The following NRK variants were observed in gnomAD, a reference collection of about 807,000 sequenced individuals.
NRK encodes the protein nik-related protein kinase.
A neutral mutation model predicts 125.2 loss-of-function variants in NRK; 67 were observed. That is an observed-to-expected ratio of 0.54 (90% CI 0.44 to 0.66). The LOEUF (loss-of-function observed/expected upper bound fraction) is 0.66, where lower values mean the gene tolerates loss of function less well. NRK is among the 30% of genes least tolerant of loss of function. NRK has a pLI of 0.00. For synonymous variants in NRK, 458 were observed against 429.0 expected (o/e 1.07, Z -0.84); for missense variants, 1,224 against 1,192.9 (o/e 1.03, Z -0.38).
intron 23 of NRK, among the ~76,000 whole-genome samples, chrX:105,941,964 T>G (rs1245120767): frequency 9.0e-6 from 1 of 111,049 alleles, no homozygotes; most frequent in East Asian, 2.8e-4. Context: ...ATTGATAAAC[T>G]GATAAATGGT....
At chrX:105,908,177 A>G (rs917667404) in intron 11 of NRK, 63 bp from the exon 12 acceptor site, 11 of 624,901 alleles carry the variant, frequency 1.8e-5, no homozygotes, top group Non-Finnish European at 2.7e-5. Context: ...AAGGTGATTA[A>G]GTGGATAACA....
chrX:105,857,934 A>T (rs2039552826), intron 2 of NRK, among the ~76,000 whole-genome samples: 1 of 110,220 alleles, frequency 9.1e-6, no homozygotes, highest in Admixed American at 9.8e-5. Flanking sequence ...GCTTGCTAGT[A>T]TCCATCCCTT....
intron 2 of NRK, among the ~76,000 whole-genome samples, chrX:105,846,687 C>T (rs2039406280): frequency 9.0e-6 from 1 of 111,280 alleles, no homozygotes; most frequent in African/African-American, 3.3e-5. Flanking sequence ...TCTCTCAGCC[C>T]TCGGGAACTT....
chrX:105,958,156 A>G lies in NRK; in HGVS notation c.*2556A>G, dbSNP rs2041001454. On this transcript the variant is annotated 3_prime_UTR_variant, in exon 29 of 29. Coordinates refer to ENST00000243300, the MANE Select transcript of NRK (RefSeq NM_198465.4). ...TAAAATAAAAGGCATTATTGGAAAT[A>G]TTTGAAAACTAGAAAATGATGGATA... 8.9e-6 allele frequency: 1 copy of G among 112,257 alleles called. No homozygotes were observed. The highest frequency in any genetic ancestry group is 3.2e-5 in the African/African-American group (1 of 30,871). The allele number at this position is 112,257 out of a possible 1,213,427, so 9.3% of individuals were successfully genotyped here. A position where few individuals can be genotyped will look rare whatever the true frequency, so the allele number is the denominator to read the frequency against.
chrX:105,854,836 A>G (rs1297088889), intron 2 of NRK, among the ~76,000 whole-genome samples: 4 of 111,888 alleles, frequency 3.6e-5, no homozygotes, highest in Non-Finnish European at 7.5e-5. Context: ...CCTGGATTTT[A>G]ACTTTTAACT....
intron 1 of NRK, among the ~76,000 whole-genome samples, chrX:105,827,870 T>C (rs1258772644): frequency 8.9e-6 from 1 of 111,975 alleles, no homozygotes; most frequent in East Asian, 2.8e-4. Flanking sequence ...CAAATTGGTA[T>C]AGCAGTCATA....
At chrX:105,898,109 G>T (rs2040108501) in intron 7 of NRK, among the ~76,000 whole-genome samples, 1 of 111,755 alleles carries the variant, frequency 8.9e-6, no homozygotes. Flanking sequence ...GTCTATGTAG[G>T]AATTTAAACT....
At chrX:105,915,113 G>A (rs1389082005) in intron 14 of NRK, among the ~76,000 whole-genome samples, 1 of 109,564 alleles carries the variant, frequency 9.1e-6, no homozygotes, top group Non-Finnish European at 1.9e-5. Context: ...TCTATTTAGA[G>A]TTGAAACAGT....
In NRK at chrX:105,908,855, C is replaced by T. The variant is rs969570393; in HGVS notation, c.1214C>T (p.Ala405Val). The stretch of plus-strand genomic sequence containing the variant: ...GATCGAGAAGAGCCACAGGTCCAGG[C>T]ACTTCAGCAGCTACAGGGAGCAGCC... ...LPDREEPQVQ[A>V]LQQLQGAARV... is the part of the protein sequence containing the mutation. Residue 405 changes from alanine to valine, a missense_variant, in exon 13 of 29, where the codon GCA becomes GTA. Ala to Val is a moderately conservative substitution (Grantham distance 64, BLOSUM62 0). Transcript: ENST00000243300. 1 of 1,207,815 alleles carries T rather than the reference C, an allele frequency of 8.3e-7. No homozygotes were observed. The highest frequency in any genetic ancestry group is 1.1e-6 in the Non-Finnish European group (1 of 893,549).
At chrX:105,856,527 T>C (rs747667289) in intron 2 of NRK, among the ~76,000 whole-genome samples, 117 of 111,445 alleles carry the variant, frequency 1.0e-3, no homozygotes, top group African/African-American at 3.6e-3. Flanking sequence ...AGTATGCTTG[T>C]AGGTCATTCC....
chrX:105,860,453 G>A (rs1863415185), intron 2 of NRK, among the ~76,000 whole-genome samples: 1 of 110,304 alleles, frequency 9.1e-6, no homozygotes, highest in South Asian at 3.9e-4. Flanking sequence ...AAAGTATACA[G>A]CTCAGTAGTT....
At chrX:105,931,748 G>A (rs1228769757) in intron 19 of NRK, among the ~76,000 whole-genome samples, 1 of 111,221 alleles carries the variant, frequency 9.0e-6, no homozygotes, top group African/African-American at 3.3e-5. Flanking sequence ...GTCCTTTTTT[G>A]TGAGGGGGAC....
In NRK at chrX:105,909,442, C is replaced by T; in HGVS notation, c.1801C>T (p.Pro601Ser). ...ATCACAAGATCACCATGTGCTGTTG[C>T]CACTACATTTGGATACTCAGGTGCT... The part of the protein sequence containing the change: ...LLSQDHHVLL[P>S]LHLDTQVLIP... The change falls in exon 13 of 29, where the codon CCA (proline) becomes TCA (serine). Residue 601 changes from proline (P) to serine (S), a missense_variant. By Grantham distance (74) the Pro-to-Ser change is moderately conservative. Coordinates refer to ENST00000243300, the MANE Select transcript of NRK (RefSeq NM_198465.4). 8.3e-7 allele frequency: 1 copy of T among 1,208,514 alleles called. No homozygotes were observed. Among genetic ancestry groups the T allele is most frequent in the Non-Finnish European group, 1.1e-6 (1 of 893,340 alleles).
chrX:105,894,432 A>G (rs1327993185), intron 6 of NRK, among the ~76,000 whole-genome samples: 1 of 111,714 alleles, frequency 9.0e-6, no homozygotes, highest in Non-Finnish European at 1.9e-5. Flanking sequence ...GAGAGCAACA[A>G]TCTTCTTGAT....
At chrX:105,933,219 A>G (rs2040619695) in intron 19 of NRK, among the ~76,000 whole-genome samples, 1 of 103,952 alleles carries the variant, frequency 9.6e-6, no homozygotes, top group Admixed American at 1.0e-4. Context: ...TATCTATCTT[A>G]ATTAAAGACA....
chrX:105,896,004 G>T (rs942552065), intron 7 of NRK, among the ~76,000 whole-genome samples: 1 of 111,757 alleles, frequency 8.9e-6, no homozygotes, highest in Non-Finnish European at 1.9e-5. Flanking sequence ...GTAAAGAAAT[G>T]ATATTGATCA....
Position 105,939,951 on chromosome X carries a change from A to G in NRK, c.3877A>G (p.Arg1293Gly). 8.4e-7 allele frequency: 1 copy of G among 1,185,981 alleles called. No homozygotes were observed. The highest frequency in any genetic ancestry group is 1.1e-6 in the Non-Finnish European group (1 of 875,604). Residue 1293 changes from arginine to glycine, a missense_variant, in exon 23 of 29, where the codon AGA becomes GGA. Transcript: ENST00000243300. ...KILNNDPESKRRQEEMLKTEE... is the reference protein window; with the variant it reads ...KILNNDPESKGRQEEMLKTEE... ...TTTGAATAATGATCCAGAAAGTAAA[A>G]GAAGGCAAGAAGAAATGCTGAAGAC...
Position 105,826,822 on chromosome X carries a change from T to A in NRK, c.57+3920T>A, listed in dbSNP as rs761496749. 2.7e-5 allele frequency among the ~76,000 whole-genome samples: 3 copies of A among 111,049 alleles called. No individual in the cohort carries two copies. In the South Asian group the frequency reaches 1.1e-3, roughly 42 times the overall value. ...TCATTTCAGTTAACTATAATTGAAATATTCAGCATAATCCTCAATTACATA... is the reference window on the plus strand; with the variant it reads ...TCATTTCAGTTAACTATAATTGAAAAATTCAGCATAATCCTCAATTACATA... On this transcript the variant is annotated intron_variant, in intron 1 of 28. Transcript: ENST00000243300.
rs1283913604 is a variant in NRK, at chrX:105,956,545, A to C, written c.*945A>C. On this transcript the variant is annotated 3_prime_UTR_variant, in exon 29 of 29. Transcript: ENST00000243300. ...TTAGACTACACAAAAGCTTCCTTCC[A>C]GTATTAAACAAAAAGAATTAAACAT... The C allele has an allele frequency of 8.9e-6, 1 of 112,315 alleles. No individual in the cohort carries two copies. The highest frequency in any genetic ancestry group is 3.2e-5 in the African/African-American group (1 of 30,908). 9.3% of individuals were successfully genotyped at this position (112,315 alleles called of 1,213,427 possible).
Sources: allele counts gnomAD v4.1 joint callset (sites outside exome capture counted in the v4.1 genomes callset), GRCh38; gene constraint gnomAD v4.1.1; transcripts MANE v1.5; gene names NCBI Gene and HGNC (gene_info 2026-07-23, HGNC 2026-07-21).